The following TMEM117 variants were observed in gnomAD, a reference collection of about 807,000 sequenced individuals.
TMEM117 encodes the protein transmembrane protein 117.
Under a neutral mutation model 52.4 loss-of-function variants are expected in TMEM117, and 27 were observed. That is an observed-to-expected ratio of 0.51 (90% CI 0.38 to 0.71). TMEM117 has a LOEUF of 0.71. TMEM117 is among the 30% of genes least tolerant of loss of function. The pLI, the probability that TMEM117 is intolerant of heterozygous loss-of-function variation, is 0.00. For synonymous variants in TMEM117, 215 were observed against 206.3 expected (o/e 1.04, Z -0.36); for missense variants, 556 against 630.5 (o/e 0.88, Z 1.26).
In TMEM117 at chr12:44,049,335, T is replaced by C. The variant is rs549780482; in HGVS notation, c.411-94190T>C. Among the ~76,000 whole-genome samples, 20 of 152,224 alleles carry C rather than the reference T, an allele frequency of 1.3e-4. No individual in the cohort carries two copies. The South Asian group carries it at 4.1e-3, about 32-fold the overall frequency. ...CAGGAACAGAAAACCAAACACCACA[T>C]GTTCTCACTCATAAGTGGGAGCTGA... On this transcript the variant is annotated intron_variant, in intron 3 of 7. Coordinates refer to ENST00000266534, the MANE Select transcript of TMEM117 (RefSeq NM_032256.3).
chr12:44,202,946 G>T lies in TMEM117; in HGVS notation c.511-8344G>T, dbSNP rs1404832014. Reference sequence around the variant, plus strand: ...TGGGATTGCAGGTGTGTACCACCACGCCTGGATTTTTTTCTTTTTCATATT... The same window carrying T: ...TGGGATTGCAGGTGTGTACCACCACTCCTGGATTTTTTTCTTTTTCATATT... On this transcript the variant is annotated intron_variant, in intron 4 of 7. Transcript: ENST00000266534. Among the ~76,000 whole-genome samples, 3 of 151,820 alleles carry T rather than the reference G, an allele frequency of 2.0e-5. No individual in the cohort carries two copies. The South Asian group carries it at 6.2e-4, about 32-fold the overall frequency.
intron 6 of TMEM117, among the ~76,000 whole-genome samples, chr12:44,313,800 C>T (rs1951020421): frequency 6.6e-6 from 1 of 151,850 alleles, no homozygotes; most frequent in Non-Finnish European, 1.5e-5. Context: ...TTGTAGTTCT[C>T]CTTGTAGAGA....
intron 3 of TMEM117, among the ~76,000 whole-genome samples, chr12:43,973,536 CT>C: frequency 6.6e-6 from 1 of 152,204 alleles, no homozygotes; most frequent in Non-Finnish European, 1.5e-5. Context: ...ACCAAGAAGT[CT>C]TAATTAGGTT....
At chr12:43,824,407 G>A in the TMEM117 span, among the ~76,000 whole-genome samples, 1 of 152,204 alleles carries the variant, frequency 6.6e-6, no homozygotes, top group Non-Finnish European at 1.5e-5. Context: ...CTTGGCCTGA[G>A]GTGAGTGCCG....
intron 5 of TMEM117, among the ~76,000 whole-genome samples, chr12:44,272,456 A>C (rs1325758329): frequency 6.6e-6 from 1 of 152,210 alleles, no homozygotes; most frequent in Non-Finnish European, 1.5e-5. Context: ...ATGGGAGAAA[A>C]CTTTTGCAAT....
intron 5 of TMEM117, among the ~76,000 whole-genome samples, chr12:44,252,534 A>G (rs1950208307): frequency 6.6e-6 from 1 of 152,106 alleles, no homozygotes. Context: ...ACAAAAAACA[A>G]AAAGCAAAGA....
chr12:43,933,455 C>T (rs1202350919), intron 2 of TMEM117, among the ~76,000 whole-genome samples: 1 of 152,058 alleles, frequency 6.6e-6, no homozygotes, highest in Non-Finnish European at 1.5e-5. Flanking sequence ...CCCGCCTCGG[C>T]CTTCCAAAGT....
chr12:44,015,349 A>C (rs1238785575), intron 3 of TMEM117, among the ~76,000 whole-genome samples: 3 of 152,176 alleles, frequency 2.0e-5, no homozygotes, highest in Non-Finnish European at 4.4e-5. Flanking sequence ...TGTCATGGTG[A>C]TCAGTGATTT....
chr12:44,210,774 T>C (rs1386115805), intron 4 of TMEM117, among the ~76,000 whole-genome samples: 2 of 152,044 alleles, frequency 1.3e-5, no homozygotes, highest in Non-Finnish European at 2.9e-5. Flanking sequence ...CATTTTTAGA[T>C]GAAGGCACAG....
intron 5 of TMEM117, among the ~76,000 whole-genome samples, chr12:44,218,606 A>G (rs1014236493): frequency 6.6e-6 from 1 of 152,222 alleles, no homozygotes; most frequent in African/African-American, 2.4e-5. Flanking sequence ...TTTTCAACAT[A>G]GTACTAGAAG....
intron 3 of TMEM117, among the ~76,000 whole-genome samples, chr12:44,030,885 A>G (rs1314555942): frequency 1.3e-5 from 2 of 148,804 alleles, no homozygotes; most frequent in Non-Finnish European, 3.0e-5. Flanking sequence ...TTAAAGTGCC[A>G]TTATTCAGTT....
intron 2 of TMEM117, among the ~76,000 whole-genome samples, chr12:43,889,168 C>T (rs1406101593): frequency 2.6e-5 from 4 of 151,642 alleles, no homozygotes; most frequent in Non-Finnish European, 5.9e-5. Flanking sequence ...CTGCAACCTC[C>T]GCCTCCCGGG....
intron 2 of TMEM117, among the ~76,000 whole-genome samples, chr12:43,859,244 A>G (rs1943447954): frequency 6.6e-6 from 1 of 152,204 alleles, no homozygotes; most frequent in African/African-American, 2.4e-5. Context: ...AGGGCCTTCC[A>G]AGCTGGAGAA....
At chr12:44,379,129 A>C (rs1325442446) in intron 7 of TMEM117, among the ~76,000 whole-genome samples, 2 of 151,798 alleles carry the variant, frequency 1.3e-5, no homozygotes. Context: ...AAAAAAATAG[A>C]AAGAAAGGAA....
the TMEM117 span, chr12:43,804,166 T>G: frequency 2.6e-5 from 10 of 387,134 alleles, no homozygotes; most frequent in South Asian, 2.0e-4. Flanking sequence ...TTTTTTTTTT[T>G]GATAATCACC....
chr12:44,351,560 T>C (rs1340287133), intron 6 of TMEM117, among the ~76,000 whole-genome samples: 1 of 152,052 alleles, frequency 6.6e-6, no homozygotes, highest in Non-Finnish European at 1.5e-5. Flanking sequence ...GGTTCTAGTT[T>C]CATTCTTCTG....
At chr12:43,809,739 TAAGAA>T in the TMEM117 span, among the ~76,000 whole-genome samples, 1 of 152,112 alleles carries the variant, frequency 6.6e-6, no homozygotes, top group African/African-American at 2.4e-5. Flanking sequence ...AAGCATTAAA[TAAGAA>T]AAGTAACCCT....
At chr12:44,227,024 C>T (rs974980600) in intron 5 of TMEM117, among the ~76,000 whole-genome samples, 6 of 152,036 alleles carry the variant, frequency 3.9e-5, no homozygotes, top group African/African-American at 1.4e-4. Context: ...ACAAGCACAA[C>T]TTCATTTCAT....
At chr12:44,355,288 T>C (rs1218827717) in intron 6 of TMEM117, among the ~76,000 whole-genome samples, 1 of 152,088 alleles carries the variant, frequency 6.6e-6, no homozygotes, top group African/African-American at 2.4e-5. Context: ...GGATAGTGTT[T>C]TGAGTTTCTC....
Sources: allele counts gnomAD v4.1 joint callset (sites outside exome capture counted in the v4.1 genomes callset), GRCh38; gene constraint gnomAD v4.1.1; transcripts MANE v1.5; gene names NCBI Gene and HGNC (gene_info 2026-07-23, HGNC 2026-07-21).